Variants in MED13L observed in about 807,000 individuals in gnomAD.
MED13L encodes mediator of RNA polymerase II transcription subunit 13-like.
Under a neutral mutation model 220.9 loss-of-function variants are expected in MED13L, and 7 were observed. That is an observed-to-expected ratio of 0.03 (90% CI 0.02 to 0.06). The LOEUF is 0.06. Ranked by LOEUF, MED13L falls within the 10% of genes least tolerant of loss-of-function variation. The pLI, the probability that MED13L is intolerant of heterozygous loss-of-function variation, is 1.00. For missense variants in MED13L, 1,965 were observed against 2,760.5 expected, an observed-to-expected ratio of 0.71 and a Z score of 6.46; for synonymous variants, 1,011 against 1,015.2, an observed-to-expected ratio of 1.00 and a Z score of 0.08.
At chr12:115,973,628 C>T (rs1424936450) in intron 25 of MED13L, among the ~76,000 whole-genome samples, 1 of 151,980 alleles carries the variant, frequency 6.6e-6, no homozygotes, top group Non-Finnish European at 1.5e-5. Flanking sequence ...TCTAACTTTC[C>T]CCAAGGGTTA....
intron 4 of MED13L, among the ~76,000 whole-genome samples, chr12:116,069,342 G>A (rs899056080): frequency 7.9e-5 from 12 of 152,256 alleles, no homozygotes; most frequent in Admixed American, 1.3e-4. Flanking sequence ...ACAATGGGTA[G>A]GTAAGTATGT....
chr12:116,211,751 GTCCCAAATACCT>G (rs1882711593), intron 2 of MED13L, among the ~76,000 whole-genome samples: 1 of 152,106 alleles, frequency 6.6e-6, no homozygotes, highest in African/African-American at 2.4e-5. Flanking sequence ...CTCATCACAA[GTCCCAAATACCT>G]CTCTACATTT....
At chr12:115,999,491 G>A (rs1437199781) in intron 14 of MED13L, among the ~76,000 whole-genome samples, 1 of 151,870 alleles carries the variant, frequency 6.6e-6, no homozygotes, top group African/African-American at 2.4e-5. Flanking sequence ...CTACAAAACT[G>A]TAATATAATT....
At chr12:116,236,894 G>T (rs1022986111) in intron 2 of MED13L, 11 of 983,752 alleles carry the variant, frequency 1.1e-5, no homozygotes, top group Non-Finnish European at 1.2e-5. Flanking sequence ...ATGTTTCCTG[G>T]AATCACCAAA....
chr12:115,989,977 C>A (rs534319019), intron 17 of MED13L, among the ~76,000 whole-genome samples: 2 of 151,936 alleles, frequency 1.3e-5, no homozygotes, highest in Non-Finnish European at 2.9e-5. Context: ...ATCAGTGCTT[C>A]TTCTTAAAAC....
intron 4 of MED13L, among the ~76,000 whole-genome samples, chr12:116,080,569 G>A (rs2137732817): frequency 6.6e-6 from 1 of 152,286 alleles, no homozygotes; most frequent in African/African-American, 2.4e-5. Context: ...ACATTTGTCA[G>A]AGAACATGCA....
chr12:115,961,965 CA>C (rs1291814238), intron 30 of MED13L, among the ~76,000 whole-genome samples: 17 of 116,900 alleles, frequency 1.5e-4, no homozygotes, highest in East Asian at 5.0e-4. Context: ...ACTCCGTCTC[CA>C]AAAAAAAAAG....
chr12:116,140,382 T>C (rs1169488945), intron 2 of MED13L, among the ~76,000 whole-genome samples: 1 of 152,192 alleles, frequency 6.6e-6, no homozygotes, highest in Admixed American at 6.5e-5. Context: ...GACTATTGAA[T>C]CTATCTTCAG....
At chr12:115,974,479 C>T (rs1239347604) in intron 25 of MED13L, among the ~76,000 whole-genome samples, 1 of 152,222 alleles carries the variant, frequency 6.6e-6, no homozygotes, top group Non-Finnish European at 1.5e-5. Flanking sequence ...CAAGTAGCTA[C>T]ATTGGGATAG....
chr12:116,170,003 T>A (rs2138178129), intron 2 of MED13L, among the ~76,000 whole-genome samples: 1 of 152,210 alleles, frequency 6.6e-6, no homozygotes, highest in East Asian at 1.9e-4. Flanking sequence ...AGCAGCAGAG[T>A]GAGACCCCGC....
At chr12:116,153,855 A>G (rs1178859942) in intron 2 of MED13L, among the ~76,000 whole-genome samples, 1 of 152,170 alleles carries the variant, frequency 6.6e-6, no homozygotes, top group Admixed American at 6.5e-5. Context: ...TATTGACACC[A>G]TGGCCTCACA....
intron 2 of MED13L, among the ~76,000 whole-genome samples, chr12:116,125,995 T>G (rs1875556259): frequency 6.6e-6 from 1 of 152,244 alleles, no homozygotes; most frequent in African/African-American, 2.4e-5. Context: ...AAAATTAATT[T>G]GTTTATGAAT....
chr12:116,048,213 A>G (rs1881953941), intron 4 of MED13L, among the ~76,000 whole-genome samples: 1 of 152,206 alleles, frequency 6.6e-6, no homozygotes, highest in African/African-American at 2.4e-5. Context: ...AAGGAGAATG[A>G]ATTAGGTAAT....
At chr12:116,051,208 T>C (rs568473309) in intron 4 of MED13L, among the ~76,000 whole-genome samples, 7 of 151,762 alleles carry the variant, frequency 4.6e-5, no homozygotes, top group Non-Finnish European at 8.8e-5. Flanking sequence ...TTTTCAAAGA[T>C]AAAAATAATA....
At chr12:116,192,998 C>A (rs1204735741) in intron 2 of MED13L, among the ~76,000 whole-genome samples, 6 of 152,164 alleles carry the variant, frequency 3.9e-5, no homozygotes, top group Non-Finnish European at 8.8e-5. Context: ...CATGGTGGCA[C>A]GTGCCTGTAG....
At chr12:115,966,367 A>G in intron 28 of MED13L, 124 bp from the exon 29 acceptor site, 1 of 1,087,670 alleles carries the variant, frequency 9.2e-7, no homozygotes, top group East Asian at 2.5e-5. Flanking sequence ...CTCACAGAAA[A>G]CAACAGGTGA....
chr12:116,238,162 G>T (rs1228443430), intron 1 of MED13L, among the ~76,000 whole-genome samples: 1 of 151,948 alleles, frequency 6.6e-6, no homozygotes, highest in African/African-American at 2.4e-5. Context: ...TTTTAATTAG[G>T]GAAGCAGTTA....
chr12:116,127,568 C>T (rs1340516128), intron 2 of MED13L, among the ~76,000 whole-genome samples: 3 of 152,126 alleles, frequency 2.0e-5, no homozygotes, highest in African/African-American at 4.8e-5. Flanking sequence ...CAGAATAACT[C>T]AGCAGTTCAG....
At position 116,223,482 on chromosome 12, in the gene MED13L, C is replaced by T. The variant is rs959094485; in HGVS notation, c.310+13986G>A. 2.6e-5 allele frequency among the ~76,000 whole-genome samples: 4 copies of T among 152,050 alleles called. No homozygotes were observed. In the East Asian group the frequency reaches 7.7e-4, roughly 29 times the overall value. On this transcript the variant is annotated intron_variant, in intron 2 of 30. Transcript: ENST00000281928. Reference sequence around the variant, plus strand: ...CAGCACTTTGGGAGGCCGGGTTAGGCAGATCACCTTGAGGTCAGGAGTTCA... The same window carrying T: ...CAGCACTTTGGGAGGCCGGGTTAGGTAGATCACCTTGAGGTCAGGAGTTCA...
Sources: allele counts gnomAD v4.1 joint callset (sites outside exome capture counted in the v4.1 genomes callset), GRCh38; gene constraint gnomAD v4.1.1; transcripts MANE v1.5; gene names NCBI Gene and HGNC (gene_info 2026-07-23, HGNC 2026-07-21).